Variants in DPP10 observed in about 807,000 individuals in gnomAD.
DPP10 encodes inactive dipeptidyl peptidase 10.
A neutral mutation model predicts 120.9 loss-of-function variants in DPP10; 33 were observed. The ratio of observed to expected loss-of-function variants is 0.27; its 90% CI spans 0.21 to 0.37. The LOEUF (loss-of-function observed/expected upper bound fraction) is 0.37. Among genes scored for constraint, DPP10 ranks in the 10% least tolerant of loss-of-function variants. The probability of loss-of-function intolerance (pLI) is 1.00; values close to 1 mark genes in which losing one functional copy is unlikely to be tolerated. For missense variants in DPP10, 816 were observed against 942.8 expected, an observed-to-expected ratio of 0.87 and a Z score of 1.76; for synonymous variants, 337 against 326.1, an observed-to-expected ratio of 1.03 and a Z score of -0.36.
chr2:114,849,341 A>T (rs111519858), intron 1 of DPP10, among the ~76,000 whole-genome samples: 44 of 150,408 alleles, frequency 2.9e-4, no homozygotes, highest in East Asian at 7.7e-4. Context: ...CTATATATAT[A>T]TTTTTTTAAA....
chr2:115,215,483 A>T (rs1181559226), intron 1 of DPP10, among the ~76,000 whole-genome samples: 1 of 152,210 alleles, frequency 6.6e-6, no homozygotes, highest in African/African-American at 2.4e-5. Context: ...AATAGTTCAC[A>T]TGTCTATTAT....
chr2:115,150,421 G>C (rs2051472703), intron 1 of DPP10, among the ~76,000 whole-genome samples: 1 of 152,090 alleles, frequency 6.6e-6, no homozygotes, highest in Non-Finnish European at 1.5e-5. Context: ...TAGAGAGTTA[G>C]AACATCTCAT....
intron 1 of DPP10, among the ~76,000 whole-genome samples, chr2:114,702,304 T>C (rs1345936726): frequency 6.7e-6 from 1 of 149,954 alleles, no homozygotes; most frequent in Non-Finnish European, 1.5e-5. Context: ...GTGAGGAAAT[T>C]TTTTTTTTTT....
intron 7 of DPP10, among the ~76,000 whole-genome samples, chr2:115,700,818 T>A (rs2091854196): frequency 6.6e-6 from 1 of 151,890 alleles, no homozygotes; most frequent in Non-Finnish European, 1.5e-5. Flanking sequence ...TGAAAGGAAA[T>A]TAAGAAAATA....
rs150176677 is a variant in DPP10, at chr2:115,057,624, T to C, written c.61-251615T>C. On this transcript the variant is annotated intron_variant, in intron 1 of 25. Transcript: ENST00000410059. ...TGTTTTGGTCTTTTGCTTCGTTTTT[T>C]GTAAATGTGCATGTGTTAGCAAAAA... is the stretch of plus-strand genomic sequence containing the variant. Among the ~76,000 whole-genome samples, 73 of 152,334 alleles carry C rather than the reference T, an allele frequency of 4.8e-4. 2 individuals are homozygous for C. In the East Asian group the frequency reaches 0.013, roughly 27 times the overall value.
chr2:115,770,204 A>G (rs1362903466), intron 13 of DPP10, among the ~76,000 whole-genome samples: 3 of 152,094 alleles, frequency 2.0e-5, no homozygotes, highest in Non-Finnish European at 4.4e-5. Flanking sequence ...GGCGTTGGGT[A>G]GGGTTGTGAT....
rs2079339934 is a variant in DPP10, at chr2:115,544,022, AG to A, written c.441+18052del. On this transcript the variant is annotated intron_variant, in intron 5 of 25. Transcript: ENST00000410059. ...TGAAAAGTCTTCCCTTCCGCTGTAC[AG>A]GTAAGGAAAATAATTAAAGAAAAAA... is the stretch of plus-strand genomic sequence containing the variant. Among the ~76,000 whole-genome samples, 5 of 151,984 alleles carry A rather than the reference AG, an allele frequency of 3.3e-5. No homozygotes were observed. In the South Asian group the frequency reaches 8.3e-4, roughly 25 times the overall value.
intron 1 of DPP10, among the ~76,000 whole-genome samples, chr2:115,063,716 G>A (rs1706604036): frequency 6.6e-6 from 1 of 152,160 alleles, no homozygotes; most frequent in Admixed American, 6.5e-5. Context: ...CTAGCCATAT[G>A]CAGAAAATTG....
At chr2:115,254,530 G>A (rs1039567689) in intron 1 of DPP10, among the ~76,000 whole-genome samples, 6 of 152,132 alleles carry the variant, frequency 3.9e-5, no homozygotes, top group African/African-American at 1.4e-4. Flanking sequence ...CAACAGTCCC[G>A]CAAAGTCTTA....
chr2:114,637,503 T>C (rs1695384217), intron 1 of DPP10, among the ~76,000 whole-genome samples: 1 of 152,024 alleles, frequency 6.6e-6, no homozygotes, highest in East Asian at 1.9e-4. Context: ...GTCCTACTTG[T>C]CAGTTTTTGT....
intron 20 of DPP10, 108 bp downstream of exon 20, chr2:115,815,095 G>A (rs1687082525): frequency 8.9e-7 from 1 of 1,129,156 alleles, no homozygotes; most frequent in Non-Finnish European, 1.2e-6. Context: ...TAGTGATTGA[G>A]CAATTTTGTA....
intron 1 of DPP10, among the ~76,000 whole-genome samples, chr2:115,201,389 G>A (rs1215856399): frequency 6.6e-6 from 1 of 152,104 alleles, no homozygotes; most frequent in Non-Finnish European, 1.5e-5. Flanking sequence ...CTGGAACCCG[G>A]GTGGCAGAGG....
intron 1 of DPP10, among the ~76,000 whole-genome samples, chr2:114,686,329 T>C (rs935183756): frequency 2.6e-5 from 4 of 151,898 alleles, no homozygotes; most frequent in Non-Finnish European, 5.9e-5. Flanking sequence ...ATATGTAAAG[T>C]TATCTATTGG....
intron 1 of DPP10, among the ~76,000 whole-genome samples, chr2:114,447,034 ATTT>A (rs3981301): frequency 2.2e-5 from 3 of 138,358 alleles, no homozygotes; most frequent in Admixed American, 7.4e-5. Context: ...TGGTTGTTAA[ATTT>A]TTTTTTTTTT....
intron 1 of DPP10, among the ~76,000 whole-genome samples, chr2:114,527,398 C>T (rs867455107): frequency 3.9e-5 from 6 of 152,098 alleles, no homozygotes; most frequent in African/African-American, 7.2e-5. Context: ...GGGACTATTC[C>T]GTAATGTTCT....
intron 5 of DPP10, among the ~76,000 whole-genome samples, chr2:115,628,718 T>A (rs1055757346): frequency 6.6e-6 from 1 of 152,104 alleles, no homozygotes; most frequent in African/African-American, 2.4e-5. Flanking sequence ...GGGGTTCAGT[T>A]TCAATTTTCT....
chr2:114,711,455 G>A (rs899996649), intron 1 of DPP10, among the ~76,000 whole-genome samples: 24 of 152,166 alleles, frequency 1.6e-4, no homozygotes, highest in African/African-American at 5.8e-4. Context: ...CCTTTAGGGT[G>A]TACAGCTCCC....
intron 1 of DPP10, among the ~76,000 whole-genome samples, chr2:114,859,200 CA>C (rs141345318): frequency 6.7e-6 from 1 of 149,674 alleles, no homozygotes; most frequent in Admixed American, 6.6e-5. Context: ...AACAAACAAA[CA>C]AAAAAACCCC....
intron 13 of DPP10, among the ~76,000 whole-genome samples, chr2:115,770,022 G>A (rs568973824): frequency 6.6e-6 from 1 of 152,118 alleles, no homozygotes; most frequent in African/African-American, 2.4e-5. Context: ...GTGAAGGATA[G>A]GAAAAGTTGT....
Sources: allele counts gnomAD v4.1 joint callset (sites outside exome capture counted in the v4.1 genomes callset), GRCh38; gene constraint gnomAD v4.1.1; transcripts MANE v1.5; gene names NCBI Gene and HGNC (gene_info 2026-07-23, HGNC 2026-07-21).